Variants in NPC1L1 observed in about 807,000 individuals in gnomAD.
The protein encoded by NPC1L1 is NPC1 like intracellular cholesterol transporter 1.
Under a neutral mutation model 117.0 loss-of-function variants are expected in NPC1L1, and 98 were observed. The ratio of observed to expected loss-of-function variants is 0.84; its 90% confidence interval spans 0.71 to 0.99. NPC1L1 has a LOEUF of 0.99. NPC1L1 is among the 50% of genes least tolerant of loss of function. The pLI is 0.00. For missense variants in NPC1L1, 1,540 were observed against 1,710.0 expected (o/e 0.90, Z 1.75); for synonymous variants, 729 against 727.6 (o/e 1.00, Z -0.03).
rs756628304 is a variant in NPC1L1 at position 44,522,143 on chromosome 7, C to A, written c.2737G>T (p.Glu913Ter). The A allele has an allele frequency of 2.5e-6, 4 of 1,613,998 alleles. No homozygotes were observed. The highest frequency in any genetic ancestry group is 3.4e-6 in the Non-Finnish European group (4 of 1,179,988). Residue 913 changes from glutamate (E) to a stop codon, truncating the protein, a stop_gained, in exon 11 of 19, where the codon GAG becomes TAG. Transcript: ENST00000381160. LOFTEE classifies it high-confidence loss of function. ...GAGCAGATGGCATTCATCCCAGCCT[C>A]GCTGGAGAAGTTGTAGCCCAAGGTG... is the stretch of plus-strand genomic sequence containing the variant. Reference protein sequence around the residue: ...VTTLGYNFSSEAGMNAICSSA... With the variant: ...VTTLGYNFSS
At chr7:44,541,059 C>A in intron 1 of NPC1L1, 147 bp downstream of exon 1, 1 of 810,916 alleles carries the variant, frequency 1.2e-6, no homozygotes, top group Non-Finnish European at 2.0e-6. Context: ...TGGGGCCTGG[C>A]ATCCCTCATG....
At position 44,516,723 on chromosome 7, in the gene NPC1L1, A is replaced by T; in HGVS notation, c.3499T>A (p.Ser1167Thr). The T allele has an allele frequency of 6.2e-7, 1 of 1,611,528 alleles. No homozygotes were observed. Among genetic ancestry groups the T allele is most frequent in the Admixed American group, 1.7e-5 (1 of 59,576 alleles). Reference sequence around the variant, plus strand: ...GTTACCGAGACCAGGTTGATGAGGGACACAGCATTGTAACTGATGCCCCAC... The same window carrying T: ...GTTACCGAGACCAGGTTGATGAGGGTCACAGCATTGTAACTGATGCCCCAC... ...ALWGISYNAVSLINLVSAVGM... is the reference protein window; with the variant it reads ...ALWGISYNAVTLINLVSAVGM... Residue 1167 changes from serine (S) to threonine (T), a missense_variant, in exon 16 of 19, where the codon TCC becomes ACC. By Grantham distance (58) the Ser-to-Thr change is moderately conservative. Around this residue, in one of 3 missense-constraint regions of NPC1L1, gnomAD observed 742 missense variants for 873.6 expected, o/e 0.85. Coordinates refer to ENST00000381160, the MANE Select transcript of NPC1L1 (RefSeq NM_001101648.2).
rs145423806 is a variant in NPC1L1 at position 44,516,816 on chromosome 7, G to A, written c.3406C>T (p.Arg1136Cys). 395 of 1,613,974 alleles carry A rather than the reference G, an allele frequency of 2.4e-4. 1 individual carries two copies. The highest frequency in any genetic ancestry group is 6.5e-4 in the East Asian group (29 of 44,876). ...VSCLLLGLDLRSGLLNLLSIV... is the reference protein window; with the variant it reads ...VSCLLLGLDLCSGLLNLLSIV... Reference sequence around the variant, plus strand: ...GAGAGCAGGTTGAGGAGGCCGGAGCGCAGGTCCAGGCCCAGCAGGAGGCAG... The same window carrying A: ...GAGAGCAGGTTGAGGAGGCCGGAGCACAGGTCCAGGCCCAGCAGGAGGCAG... The change falls in exon 16 of 19, where the codon CGC becomes TGC. Residue 1136 changes from arginine (R) to cysteine (C), a missense_variant. By Grantham distance (180) the Arg-to-Cys change is radical (BLOSUM62 -3). Around this residue, in one of 3 missense-constraint regions of NPC1L1, gnomAD observed 742 missense variants for 873.6 expected, o/e 0.85. Transcript: ENST00000381160.
chr7:44,513,201 C>T lies in NPC1L1; in HGVS notation c.*246G>A. The stretch of plus-strand genomic sequence containing the variant: ...TTCCTGCCAACTTCCAGACCCAGGC[C>T]CAGGAGGAGGCACTGCCCAAGGCCT... On this transcript the variant is annotated 3_prime_UTR_variant, in exon 19 of 19. Transcript: ENST00000381160. The T allele has an allele frequency of 1.8e-6, 1 of 548,646 alleles. No homozygotes were observed. The highest frequency in any genetic ancestry group is 3.3e-6 in the Non-Finnish European group (1 of 303,618). The allele number at this position is 548,646 out of a possible 1,614,324, so 34.0% of individuals were successfully genotyped here. A position where few individuals can be genotyped will look rare whatever the true frequency, so the allele number is the denominator to read the frequency against.
chr7:44,541,237 C>A lies in NPC1L1; in HGVS notation c.23G>T (p.Gly8Val). ...CAGGAGCAGGGCCCACAGCAGCCAG[C>A]CCCTCAGGCCGGCCTCCGCCATCCC... MAEAGLR[G>V]WLLWALLLRL... Residue 8 changes from glycine to valine, a missense_variant, in exon 1 of 19, where the codon GGC becomes GTC. Transcript: ENST00000381160. 2 of 1,549,962 alleles carry A rather than the reference C, an allele frequency of 1.3e-6. No individual in the cohort carries two copies. The highest frequency in any genetic ancestry group is 1.7e-6 in the Non-Finnish European group (2 of 1,146,804).
At position 44,536,056 on chromosome 7, in the gene NPC1L1, G is replaced by T. The variant is rs1239303595; in HGVS notation, c.1855-88C>A. ...ATAGCTCGGTCACTGGGCACTAATT[G>T]TGTGTTGTGTCATAGGGCCTGATGG... On this transcript the variant is annotated intron_variant, in intron 4 of 18. Coordinates refer to ENST00000381160, the MANE Select transcript of NPC1L1 (RefSeq NM_001101648.2). The surrounding 1 kb of genome is among the most constrained non-coding windows in gnomAD (Gnocchi z 4.7). 2 of 1,602,260 alleles carry T rather than the reference G, an allele frequency of 1.2e-6. No individual in the cohort carries two copies. The highest frequency in any genetic ancestry group is 1.1e-5 in the South Asian group (1 of 90,174).
rs754756996 is a variant in NPC1L1, at chr7:44,538,772, C to A, written c.1580+45G>T. 6.2e-7 allele frequency: 1 copy of A among 1,602,208 alleles called. No homozygotes were observed. The highest frequency in any genetic ancestry group is 2.2e-5 in the East Asian group (1 of 44,836). ...TCCCAGGAGGCCATGGCAGCCCAGC[C>A]CCAGCCCCAGCCCACTCCTCGCTTG... is the stretch of plus-strand genomic sequence containing the variant. On this transcript the variant is annotated intron_variant, in intron 2 of 18. Transcript: ENST00000381160. The surrounding 1 kb of genome is among the most constrained non-coding windows in gnomAD (Gnocchi z 5.9).
chr7:44,512,940 G>A lies in NPC1L1; in HGVS notation c.*507C>T, dbSNP rs934586164. 3 of 198,684 alleles carry A rather than the reference G, an allele frequency of 1.5e-5. No individual in the cohort carries two copies. Among genetic ancestry groups the A allele is most frequent in the Middle Eastern group, 2.1e-3 (1 of 466 alleles). The allele number at this position is 198,684 out of a possible 1,614,324, so 12.3% of individuals were successfully genotyped here. On this transcript the variant is annotated 3_prime_UTR_variant, in exon 19 of 19. Coordinates refer to ENST00000381160, the MANE Select transcript of NPC1L1 (RefSeq NM_001101648.2). ...GTGCGCCCTGGAGGGAGTGGCTGCC[G>A]ACCGGCCTCCCACAGCGTTGGCTCT...
At chr7:44,540,652 C>A (rs909386497) in intron 1 of NPC1L1, among the ~76,000 whole-genome samples, 8 of 152,040 alleles carry the variant, frequency 5.3e-5, no homozygotes, top group African/African-American at 1.9e-4. Context: ...TCAAAGTCAG[C>A]CTGAGTCCCC....
Position 44,515,973 on chromosome 7 carries a change from G to C in NPC1L1, c.3634-8C>G, listed in dbSNP as rs746791445. On this transcript the variant is annotated splice_polypyrimidine_tract_variant and splice_region_variant and intron_variant, in intron 17 of 18. Coordinates refer to ENST00000381160, the MANE Select transcript of NPC1L1 (RefSeq NM_001101648.2). ...GGCCACACCTGCAAACACCTGGGGG[G>C]TTCAGAGCCAGGTGTCAGGCAGGGC... 6.2e-7 allele frequency: 1 copy of C among 1,613,578 alleles called. No homozygotes were observed. The highest frequency in any genetic ancestry group is 1.3e-5 in the African/African-American group (1 of 74,898).
chr7:44,541,263 A>G lies in NPC1L1; in HGVS notation c.-4T>C, dbSNP rs367655836. ...CCCTCAGGCCGGCCTCCGCCATCCC[A>G]GGTCTGGGAAGGGGTCAGCGGGGAG... On this transcript the variant is annotated 5_prime_UTR_variant, in exon 1 of 19. Coordinates refer to ENST00000381160, the MANE Select transcript of NPC1L1 (RefSeq NM_001101648.2). 1,206 of 1,549,736 alleles carry G rather than the reference A, an allele frequency of 7.8e-4. 1 individual carries two copies. Among genetic ancestry groups the G allele is most frequent in the Non-Finnish European group, 9.9e-4 (1,135 of 1,146,726 alleles).
intron 7 of NPC1L1, 44 bp downstream of exon 7, chr7:44,533,695 C>T: frequency 6.2e-7 from 1 of 1,609,800 alleles, no homozygotes; most frequent in Non-Finnish European, 8.5e-7. Context: ...CGGCACTAAC[C>T]CAGCAAGCCT....
chr7:44,538,913 T>C lies in NPC1L1; in HGVS notation c.1484A>G (p.Gln495Arg), dbSNP rs1478054218. 1 of 1,614,234 alleles carries C rather than the reference T, an allele frequency of 6.2e-7. No homozygotes were observed. Among genetic ancestry groups the C allele is most frequent in the East Asian group, 2.2e-5 (1 of 44,890 alleles). Residue 495 changes from glutamine to arginine, a missense_variant, in exon 2 of 19, where the codon CAG (glutamine) becomes CGG (arginine). This residue lies in a region of NPC1L1 where 793 missense variants were observed against 820.4 expected (regional missense o/e 0.97). Transcript: ENST00000381160. This position sits in a 1 kb window ranked among gnomAD's most constrained non-coding sequence, Gnocchi z 5.9. ...GAGCAGCAGGAGCGTGCGGTTGTTC[T>C]GGAAATACTGCAGGAGGCTGTTGAT... ...CCINSLLQYFQNNRTLLLLTA... is the reference protein window; with the variant it reads ...CCINSLLQYFRNNRTLLLLTA...
rs762926393 is a variant in NPC1L1, at chr7:44,522,206, G to A, written c.2674C>T (p.Arg892Cys). ...YLLDYFLFLN[R>C]YFEVGAPVYF... ...ACCGGGGCCCCCACCTCGAAGTAGCGGTTCAGAAAGAGGAAATAGTCAAGC... is the reference window on the plus strand; with the variant it reads ...ACCGGGGCCCCCACCTCGAAGTAGCAGTTCAGAAAGAGGAAATAGTCAAGC... Residue 892 changes from arginine to cysteine, a missense_variant, in exon 11 of 19, where the codon CGC becomes TGC. Transcript: ENST00000381160. 68 of 1,613,694 alleles carry A rather than the reference G, an allele frequency of 4.2e-5. No individual in the cohort carries two copies. In the South Asian group the frequency reaches 5.6e-4, roughly 13 times the overall value.
chr7:44,535,434 C>G (rs1801850006), intron 5 of NPC1L1, among the ~76,000 whole-genome samples: 1 of 150,830 alleles, frequency 6.6e-6, no homozygotes, highest in African/African-American at 2.4e-5. Context: ...GAGGCTGAAG[C>G]AGGAGGATCA....
intron 8 of NPC1L1, 84 bp from the exon 9 acceptor site, chr7:44,532,301 C>A: frequency 6.4e-7 from 1 of 1,569,682 alleles, no homozygotes; most frequent in East Asian, 2.2e-5. Context: ...GGAGTGTCAC[C>A]TTCTGTGGGT....
chr7:44,533,760 C>T lies in NPC1L1; in HGVS notation c.2260G>A (p.Glu754Lys), dbSNP rs1801775866. The change falls in exon 7 of 19, where the codon GAG becomes AAG. Residue 754 changes from glutamate (E) to lysine (K), a missense_variant. Coordinates refer to ENST00000381160, the MANE Select transcript of NPC1L1 (RefSeq NM_001101648.2). The part of the protein sequence containing the change: ...APSMLLCSLS[E>K]AICFFLGALT... Reference sequence around the variant, plus strand: ...TCACCTAGGAAGAAGCAGATGGCCTCAGAGAGGCTGCACAACAGCATGCTG... The same window carrying T: ...TCACCTAGGAAGAAGCAGATGGCCTTAGAGAGGCTGCACAACAGCATGCTG... The T allele has an allele frequency of 6.2e-7, 1 of 1,614,150 alleles. No individual in the cohort carries two copies. The highest frequency in any genetic ancestry group is 1.1e-5 in the South Asian group (1 of 91,066).
At position 44,540,327 on chromosome 7, in the gene NPC1L1, A is replaced by G. The variant is rs761415606; in HGVS notation, c.70T>C (p.Tyr24His). Residue 24 changes from tyrosine to histidine, a missense_variant, in exon 2 of 19, where the codon TAC becomes CAC. By Grantham distance (83) the Tyr-to-His change is moderately conservative. This residue lies in a region of NPC1L1 where 793 missense variants were observed against 820.4 expected (regional missense o/e 0.97). Coordinates refer to ENST00000381160, the MANE Select transcript of NPC1L1 (RefSeq NM_001101648.2). ...LLLRLAQSEP[Y>H]TTIHQPGYCA... ...TAGCCAGGCTGGTGGATGGTTGTGT[A>G]AGGCTCACTCTGGGCCTGCAGAGCA... 11 of 1,612,866 alleles carry G rather than the reference A, an allele frequency of 6.8e-6. No homozygotes were observed. Among genetic ancestry groups the G allele is most frequent in the Non-Finnish European group, 9.3e-6 (11 of 1,179,998 alleles).
At chr7:44,532,959 C>T (rs7808003) in intron 8 of NPC1L1, among the ~76,000 whole-genome samples, 30,578 of 152,036 alleles carry the variant, frequency 0.2, 3,936 homozygotes, top group Non-Finnish European at 0.29. Context: ...CAAAAATTAG[C>T]CAGGCGTGCA....
Sources: gnomAD v4.1 joint callset for allele counts (sites outside exome capture counted in the v4.1 genomes callset) on GRCh38, gnomAD v4.1.1 for gene constraint, gnomAD v4.1.1 regional missense constraint, Gnocchi (gnomAD v3.1) non-coding constraint, MANE v1.5 for transcripts, NCBI Gene and HGNC (gene_info 2026-07-23, HGNC 2026-07-21) for gene names.